The following SCHIP1 variants were observed in gnomAD, a reference collection of about 807,000 sequenced individuals.
The protein encoded by SCHIP1 is schwannomin-interacting protein 1.
SCHIP1 carries 8 observed loss-of-function variants against 29.7 expected under a neutral mutation model. The observed-to-expected ratio is 0.27, with a 90% CI of 0.16 to 0.49. The LOEUF is 0.49. Among genes scored for constraint, SCHIP1 ranks in the 20% least tolerant of loss-of-function variants. The pLI, the probability that SCHIP1 is intolerant of heterozygous loss-of-function variation, is 0.99. For missense variants in SCHIP1, 193 were observed against 294.6 expected (o/e 0.66, Z 2.52); for synonymous variants, 76 against 94.9 (o/e 0.80, Z 1.16).
chr3:159,305,629 T>A, the SCHIP1 span, among the ~76,000 whole-genome samples: 6 of 152,210 alleles, frequency 3.9e-5, no homozygotes, highest in Admixed American at 6.5e-5. Context: ...CTTAAGACTC[T>A]CCCATCTTAA....
exon 1 of SCHIP1, chr3:159,839,949 C>A: frequency 7.1e-7 from 1 of 1,418,322 alleles, no homozygotes; most frequent in Non-Finnish European, 9.1e-7. Context: ...TGTTCCTAAG[C>A]CTGCCTCACT....
the SCHIP1 span, among the ~76,000 whole-genome samples, chr3:159,485,289 T>G: frequency 6.6e-6 from 1 of 152,180 alleles, no homozygotes; most frequent in Non-Finnish European, 1.5e-5. Flanking sequence ...TGAGTGACTT[T>G]GAATAGTTAC....
At chr3:159,383,534 G>C in the SCHIP1 span, among the ~76,000 whole-genome samples, 1 of 150,886 alleles carries the variant, frequency 6.6e-6, no homozygotes, top group African/African-American at 2.4e-5. Flanking sequence ...TTTGAAGTCA[G>C]GTAGTGTGAT....
the SCHIP1 span, among the ~76,000 whole-genome samples, chr3:159,362,377 A>T: frequency 3.9e-5 from 6 of 152,278 alleles, no homozygotes; most frequent in Middle Eastern, 3.4e-3. Context: ...TTACTTAAGG[A>T]CTTCTGCACA....
the SCHIP1 span, among the ~76,000 whole-genome samples, chr3:159,603,185 A>T: frequency 1.3e-5 from 2 of 152,222 alleles, no homozygotes; most frequent in African/African-American, 4.8e-5. Flanking sequence ...ACAAGTACAG[A>T]TTTAAAAAAT....
chr3:159,462,963 T>C, the SCHIP1 span, among the ~76,000 whole-genome samples: 2 of 152,124 alleles, frequency 1.3e-5, no homozygotes, highest in African/African-American at 2.4e-5. Context: ...AGTTGTTCAA[T>C]GGAATACAGT....
At chr3:159,796,588 C>T in the SCHIP1 span, among the ~76,000 whole-genome samples, 2 of 152,116 alleles carry the variant, frequency 1.3e-5, no homozygotes, top group African/African-American at 2.4e-5. Context: ...TGCTTAGCTA[C>T]AGCCCCCCTC....
chr3:159,330,582 T>C, the SCHIP1 span, among the ~76,000 whole-genome samples: 1 of 152,312 alleles, frequency 6.6e-6, no homozygotes, highest in East Asian at 1.9e-4. Context: ...GATATGTATT[T>C]TAAGGTAATC....
intron 4 of SCHIP1, 136 bp from the exon 6 acceptor site, chr3:159,888,684 C>CA: frequency 2.2e-6 from 3 of 1,345,208 alleles, no homozygotes; most frequent in Non-Finnish European, 3.0e-6. Flanking sequence ...TTGGGAAAGA[C>CA]ACAGACTGGG....
the SCHIP1 span, among the ~76,000 whole-genome samples, chr3:159,757,507 C>T: frequency 2.0e-5 from 3 of 152,204 alleles, no homozygotes; most frequent in Admixed American, 6.5e-5. Flanking sequence ...TAAACCATAT[C>T]AGATGCCTTT....
the SCHIP1 span, chr3:159,764,917 C>T: frequency 1.3e-6 from 2 of 1,522,616 alleles, no homozygotes; most frequent in Non-Finnish European, 1.8e-6. This position sits in a 1 kb window ranked among gnomAD's most constrained non-coding sequence, Gnocchi z 6.1. Context: ...GGGCCCCCGC[C>T]GGGCGATCCA....
At chr3:159,402,155 A>G in the SCHIP1 span, among the ~76,000 whole-genome samples, 1 of 152,374 alleles carries the variant, frequency 6.6e-6, no homozygotes, top group South Asian at 2.1e-4. Context: ...GAAGACATTT[A>G]TGCAGCCAAA....
At chr3:159,451,893 T>C in the SCHIP1 span, among the ~76,000 whole-genome samples, 1 of 152,058 alleles carries the variant, frequency 6.6e-6, no homozygotes, top group South Asian at 2.1e-4. Flanking sequence ...GCAGCTGGGA[T>C]TAGGGTCCAT....
chr3:159,602,966 A>G, the SCHIP1 span, among the ~76,000 whole-genome samples: 1 of 152,144 alleles, frequency 6.6e-6, no homozygotes, highest in Non-Finnish European at 1.5e-5. Context: ...TCACAGAATG[A>G]GGGCTCAATG....
the SCHIP1 span, among the ~76,000 whole-genome samples, chr3:159,618,564 G>A: frequency 6.6e-6 from 1 of 152,216 alleles, no homozygotes; most frequent in Non-Finnish European, 1.5e-5. Flanking sequence ...ATGATGAAGA[G>A]ACTATTAAGT....
chr3:159,810,749 T>C, the SCHIP1 span, among the ~76,000 whole-genome samples: 1 of 152,238 alleles, frequency 6.6e-6, no homozygotes. Flanking sequence ...TTTTAGACCT[T>C]ATGAATAATG....
chr3:159,550,841 TAATGAGAAATTAATGTCAGCCTC>T, the SCHIP1 span, among the ~76,000 whole-genome samples: 11 of 152,070 alleles, frequency 7.2e-5, no homozygotes, highest in South Asian at 1.0e-3. Context: ...GACCAGTAAA[TAATGAGAAATTAATGTCAGCCTC>T]AATGAGAAAT....
the SCHIP1 span, among the ~76,000 whole-genome samples, chr3:159,614,527 T>C: frequency 3.9e-5 from 6 of 152,280 alleles, no homozygotes; most frequent in African/African-American, 1.4e-4. Context: ...GGTGCTGTTA[T>C]TTTTTCCATT....
the SCHIP1 span, among the ~76,000 whole-genome samples, chr3:159,834,719 C>T: frequency 6.6e-6 from 1 of 152,142 alleles, no homozygotes; most frequent in Non-Finnish European, 1.5e-5. Context: ...CACACCTGAC[C>T]TCATGTGACA....
Sources: allele counts gnomAD v4.1 joint callset (sites outside exome capture counted in the v4.1 genomes callset), GRCh38; gene constraint gnomAD v4.1.1; non-coding constraint Gnocchi (gnomAD v3.1); transcripts MANE v1.5; gene names NCBI Gene and HGNC (gene_info 2026-07-23, HGNC 2026-07-21).